The following XDH variants were observed in gnomAD, a reference collection of about 807,000 sequenced individuals.
XDH encodes the protein xanthine dehydrogenase/oxidase.
In XDH, 138 loss-of-function variants were observed where a neutral mutation model predicts 156.1. That is an observed-to-expected ratio of 0.88 (90% CI 0.77 to 1.02). The LOEUF (loss-of-function observed/expected upper bound fraction) is 1.02. Among genes scored for constraint, XDH ranks in the 50% least tolerant of loss-of-function variants. The probability of loss-of-function intolerance (pLI) is 0.00; values close to 1 mark genes in which losing one functional copy is unlikely to be tolerated. For missense variants in XDH, 1,849 were observed against 1,684.9 expected (o/e 1.10, Z -1.71); for synonymous variants, 669 against 625.7 (o/e 1.07, Z -1.03).
chr2:31,362,117 CT>C lies in XDH; in HGVS notation c.2631+2040del, dbSNP rs1388905460. 2.6e-5 allele frequency among the ~76,000 whole-genome samples: 4 copies of C among 152,132 alleles called. No homozygotes were observed. The East Asian group carries it at 7.7e-4, about 29-fold the overall frequency. ...AATGAGCACAGGACTGACTATGTTG[CT>C]TTTCTGCCTTTTGGGGTGAGTAGAG... On this transcript the variant is annotated intron_variant, in intron 24 of 35. Coordinates refer to ENST00000379416, the MANE Select transcript of XDH (RefSeq NM_000379.4).
Position 31,388,228 on chromosome 2 carries a change from GAGTGGTCTTTCTTCTGGTTCATGCAGC to G in XDH, c.536_562del (p.Cys179_His187del). 6.2e-7 allele frequency: 1 copy of G among 1,614,170 alleles called. No homozygotes were observed. ...CCAGGGGGAGAAGAACTCACTTACT[GAGTGGTCTTTCTTCTGGTTCATGCAGC>G]AATTTGGATTATTCCCATCTCCTCC... On this transcript the variant is annotated inframe_deletion and splice_region_variant, in exon 7 of 36. Transcript: ENST00000379416.
chr2:31,405,845 G>A lies in XDH; in HGVS notation c.100+62C>T, dbSNP rs1687177507. 22 of 1,585,416 alleles carry A rather than the reference G, an allele frequency of 1.4e-5. No individual in the cohort carries two copies. The South Asian group carries it at 2.0e-4, about 14-fold the overall frequency. On this transcript the variant is annotated intron_variant, in intron 2 of 35. Transcript: ENST00000379416. ...ACCAGTCACTAGGAAACAATGTAAG[G>A]CCTACAGAATCAGTCACCATTGCCC... is the stretch of plus-strand genomic sequence containing the variant.
intron 9 of XDH, 51 bp from the exon 10 acceptor site, chr2:31,383,898 G>A (rs1686510945): frequency 6.4e-7 from 1 of 1,555,060 alleles, no homozygotes; most frequent in Non-Finnish European, 8.8e-7. Flanking sequence ...GTATCACCAG[G>A]GCAGGCCTTA....
In XDH at chr2:31,343,465, C is replaced by T. The variant is rs1685192218; in HGVS notation, c.3405-1168G>A. ...TATGTTTATACATATATGCCTTATA[C>T]ATATATGTATAATACATATATATGC... On this transcript the variant is annotated intron_variant, in intron 31 of 35. Transcript: ENST00000379416. Among the ~76,000 whole-genome samples the T allele has an allele frequency of 2.4e-5, 3 of 122,610 alleles. No individual in the cohort carries two copies. The South Asian group carries it at 7.9e-4, about 32-fold the overall frequency. 80.4% of individuals were successfully genotyped at this position (122,610 alleles called of 152,430 possible).
intron 31 of XDH, among the ~76,000 whole-genome samples, chr2:31,343,531 G>GTATAAGGCATATATATATGCCTTA (rs144249310): frequency 0.13 from 15,474 of 118,952 alleles, 1,528 homozygotes; most frequent in African/African-American, 0.22. Flanking sequence ...ATACATATAT[G>GTATAAGGCATATATATATGCCTTA]TATAAGGCAT....
At chr2:31,339,412 C>T (rs1280375911) in intron 34 of XDH, 77 bp downstream of exon 34, 3 of 1,597,168 alleles carry the variant, frequency 1.9e-6, no homozygotes, top group Non-Finnish European at 2.6e-6. Flanking sequence ...AGGTGGGTCA[C>T]TGAGGCCTCT....
chr2:31,361,218 TC>T (rs780634085), intron 24 of XDH, among the ~76,000 whole-genome samples: 19 of 152,242 alleles, frequency 1.2e-4, no homozygotes, highest in Non-Finnish European at 2.1e-4. Context: ...AGCCCAGCAA[TC>T]TTTACTATTC....
At chr2:31,395,627 T>G (rs1686882095) in intron 6 of XDH, among the ~76,000 whole-genome samples, 1 of 152,150 alleles carries the variant, frequency 6.6e-6, no homozygotes, top group African/African-American at 2.4e-5. Flanking sequence ...CCCCTGGAGT[T>G]TATATCCATG....
intron 23 of XDH, among the ~76,000 whole-genome samples, 200 bp from the exon 24 acceptor site, chr2:31,364,444 G>T (rs752737439): frequency 1.3e-5 from 2 of 151,898 alleles, no homozygotes; most frequent in Non-Finnish European, 2.9e-5. Flanking sequence ...CTCCCCAGTG[G>T]CACACACTTG....
At chr2:31,404,806 C>G (rs1192551323) in intron 2 of XDH, among the ~76,000 whole-genome samples, 1 of 152,074 alleles carries the variant, frequency 6.6e-6, no homozygotes, top group African/African-American at 2.4e-5. Context: ...GGTAAAAAAT[C>G]CAGAACAAAG....
intron 1 of XDH, among the ~76,000 whole-genome samples, chr2:31,407,381 C>T (rs1298515730): frequency 6.6e-6 from 1 of 152,124 alleles, no homozygotes; most frequent in Admixed American, 6.5e-5. Context: ...GGATGTAATG[C>T]AAGCCATTCA....
At chr2:31,341,471 C>G in intron 32 of XDH, 77 bp from the exon 33 acceptor site, 2 of 1,443,464 alleles carry the variant, frequency 1.4e-6, no homozygotes, top group Non-Finnish European at 1.9e-6. Flanking sequence ...TCATAGTGAC[C>G]CTCAGACTAC....
rs759243144 is a variant in XDH at position 31,403,138 on chromosome 2, A to T, written c.107T>A (p.Leu36Gln). 1.2e-6 allele frequency: 2 copies of T among 1,614,130 alleles called. No homozygotes were observed. The highest frequency in any genetic ancestry group is 2.2e-5 in the South Asian group (2 of 91,084). Residue 36 changes from leucine (L) to glutamine (Q), a missense_variant, in exon 3 of 36, where the codon CTG (leucine) becomes CAG (glutamine). Coordinates refer to ENST00000379416, the MANE Select transcript of XDH (RefSeq NM_000379.4). ...LLAYLRRKLG[L>Q]SGTKLGCGEG... ...TCCACAGCCGAGCTTGGTTCCACTC[A>T]GCCCCACTGGGTGGTCAAGAGTTAA...
intron 4 of XDH, among the ~76,000 whole-genome samples, chr2:31,399,026 G>A (rs1267263131): frequency 6.6e-6 from 1 of 152,200 alleles, no homozygotes; most frequent in African/African-American, 2.4e-5. Context: ...GACTAGGAAG[G>A]TCCCTTCAAA....
chr2:31,383,512 G>A (rs753397373), intron 10 of XDH, among the ~76,000 whole-genome samples: 14 of 149,472 alleles, frequency 9.4e-5, no homozygotes, highest in Admixed American at 5.3e-4. Flanking sequence ...TGATTCTAAT[G>A]TGTAGCCAGA....
intron 1 of XDH, 62 bp downstream of exon 1, chr2:31,414,563 A>G (rs910015360): frequency 2.5e-6 from 4 of 1,602,296 alleles, no homozygotes; most frequent in Non-Finnish European, 3.4e-6. Context: ...TGGCTCTGCC[A>G]GAGGACACAT....
At chr2:31,353,106 AG>A (rs1396831167) in intron 24 of XDH, among the ~76,000 whole-genome samples, 3 of 152,108 alleles carry the variant, frequency 2.0e-5, no homozygotes, top group African/African-American at 7.2e-5. Context: ...AACTGTAAAA[AG>A]TGGTACCACC....
At chr2:31,340,004 C>A (rs1172952385) in intron 33 of XDH, among the ~76,000 whole-genome samples, 2 of 152,218 alleles carry the variant, frequency 1.3e-5, no homozygotes, top group African/African-American at 2.4e-5. Context: ...AGCTAAGAAG[C>A]AAGCTCACAG....
chr2:31,380,393 T>C (rs1453193183), intron 12 of XDH, among the ~76,000 whole-genome samples: 4 of 152,212 alleles, frequency 2.6e-5, no homozygotes, highest in Non-Finnish European at 4.4e-5. Flanking sequence ...GGGTTCCCAG[T>C]GCTCCATGAT....
Sources: allele counts gnomAD v4.1 joint callset (sites outside exome capture counted in the v4.1 genomes callset), GRCh38; gene constraint gnomAD v4.1.1; transcripts MANE v1.5; gene names NCBI Gene and HGNC (gene_info 2026-07-23, HGNC 2026-07-21).